The following TOMM20L variants were observed in gnomAD, a reference collection of about 807,000 sequenced individuals.
TOMM20L encodes the protein translocase of outer mitochondrial membrane 20 like, also known as TOMM20-like protein 1.
TOMM20L carries 19 observed loss-of-function variants against 20.4 expected under a neutral mutation model. That is an observed-to-expected ratio of 0.93 (90% CI 0.65 to 1.36). The LOEUF (loss-of-function observed/expected upper bound fraction) is 1.36, where lower values mean the gene tolerates loss of function less well. Ranked by LOEUF, TOMM20L falls within the 40% of genes most tolerant of loss-of-function variation. TOMM20L has a pLI of 0.00. For synonymous variants in TOMM20L, 75 were observed against 79.6 expected (o/e 0.94, Z 0.30); for missense variants, 218 against 203.7 (o/e 1.07, Z -0.43).
At chr14:58,414,455 A>G in the TOMM20L span, among the ~76,000 whole-genome samples, 1 of 152,042 alleles carries the variant, frequency 6.6e-6, no homozygotes, top group East Asian at 1.9e-4. Flanking sequence ...CACAATAACT[A>G]GGCTGGGCAC....
intron 2 of TOMM20L, chr14:58,398,844 A>C (rs1349461548): frequency 1.3e-5 from 2 of 152,128 alleles, no homozygotes; most frequent in African/African-American, 4.8e-5. Flanking sequence ...CAGCACAAGC[A>C]GGATTTTCAA....
intron 2 of TOMM20L, among the ~76,000 whole-genome samples, chr14:58,399,168 G>A (rs1181588830): frequency 6.6e-6 from 1 of 152,212 alleles, no homozygotes; most frequent in Non-Finnish European, 1.5e-5. Context: ...TTACACGAGG[G>A]AGCCACTGTG....
chr14:58,407,433 G>C lies in TOMM20L; in HGVS notation c.370G>C (p.Glu124Gln). The part of the protein sequence containing the change: ...FKHTLPPKVF[E>Q]MLLHKIPLIC... ...ACACACTCTCCCTCCCAAGGTATTT[G>C]AGATGCTGTTGCACAAAATTCCCCT... Residue 124 changes from glutamate to glutamine, a missense_variant, in exon 4 of 5, where the codon GAG (glutamate) becomes CAG (glutamine). Transcript: ENST00000360945. The C allele has an allele frequency of 2.5e-6, 4 of 1,613,222 alleles. No individual in the cohort carries two copies. The highest frequency in any genetic ancestry group is 3.4e-6 in the Non-Finnish European group (4 of 1,179,806).
downstream of TOMM20L, among the ~76,000 whole-genome samples, chr14:58,409,844 C>T (rs1443701401): frequency 2.0e-5 from 3 of 152,116 alleles, no homozygotes; most frequent in Non-Finnish European, 4.4e-5. Flanking sequence ...TCCCAATGTG[C>T]TGAAGTTCCA....
Position 58,408,649 on chromosome 14 carries a change from C to T in TOMM20L, c.*67C>T, listed in dbSNP as rs1329127860. The T allele has an allele frequency of 2.1e-6, 3 of 1,429,390 alleles. No individual in the cohort carries two copies. In the East Asian group the frequency reaches 7.1e-5, roughly 34 times the overall value. The allele number at this position is 1,429,390 out of a possible 1,614,324, so 88.5% of individuals were successfully genotyped here. A position where few individuals can be genotyped will look rare whatever the true frequency, so the allele number is the denominator to read the frequency against. ...GTACCATACAGTATAAACAACTGCT[C>T]AGTGATATTTCCATTTATTTTACTT... On this transcript the variant is annotated 3_prime_UTR_variant, in exon 5 of 5. Transcript: ENST00000360945.
chr14:58,408,474 GA>G, intron 4 of TOMM20L, 54 bp from the exon 5 acceptor site: 1 of 1,522,434 alleles, frequency 6.6e-7, no homozygotes, highest in African/African-American at 1.4e-5. Flanking sequence ...AGGGAGGCAA[GA>G]AAAGGATCAT....
At chr14:58,416,088 C>T in the TOMM20L span, among the ~76,000 whole-genome samples, 5 of 151,434 alleles carry the variant, frequency 3.3e-5, no homozygotes, top group East Asian at 1.9e-4. Context: ...AGCAGCTGGC[C>T]GTGGTGGCAC....
Position 58,407,319 on chromosome 14 carries a change from G to C in TOMM20L, c.263-7G>C. 1 of 1,592,094 alleles carries C rather than the reference G, an allele frequency of 6.3e-7. No individual in the cohort carries two copies. Among genetic ancestry groups the C allele is most frequent in the South Asian group, 1.1e-5 (1 of 87,108 alleles). On this transcript the variant is annotated splice_region_variant and splice_polypyrimidine_tract_variant and intron_variant, in intron 3 of 4. Transcript: ENST00000360945. The stretch of plus-strand genomic sequence containing the variant: ...AATTTTGCTCAAAACTTGTCATTCT[G>C]TTTCAGGAGAGCACAGAATGGGGAT...
rs1470382627 is a variant in TOMM20L at position 58,404,090 on chromosome 14, C to CATATATGTGTGTGTGTATATAT, written c.262+1335_262+1336insGTGTGTGTGTATATATATATAT. Among the ~76,000 whole-genome samples the CATATATGTGTGTGTGTATATAT allele has an allele frequency of 5.9e-4, 10 of 16,832 alleles. 1 individual carries two copies. The highest frequency in any genetic ancestry group is 4.9e-3 in the South Asian group (2 of 410). The allele number at this position is 16,832 out of a possible 152,430, so 11.0% of individuals were successfully genotyped here. The stretch of plus-strand genomic sequence containing the variant: ...CACCCATCAGTACAATGTATATATA[C>CATATATGTGTGTGTGTATATAT]ATATATATGTATATATATATATATA... On this transcript the variant is annotated intron_variant, in intron 3 of 4. Transcript: ENST00000360945.
chr14:58,414,035 AAG>A, the TOMM20L span, among the ~76,000 whole-genome samples: 1 of 149,952 alleles, frequency 6.7e-6, no homozygotes, highest in African/African-American at 2.4e-5. Context: ...AAAAAAAAAA[AAG>A]GTTTGTATAA....
At chr14:58,409,668 T>C (rs1401702932), downstream of TOMM20L, among the ~76,000 whole-genome samples, 1 of 152,142 alleles carries the variant, frequency 6.6e-6, no homozygotes, top group African/African-American at 2.4e-5. Flanking sequence ...AAGCTCCGCC[T>C]CCTGAGTTCA....
downstream of TOMM20L, among the ~76,000 whole-genome samples, chr14:58,412,696 T>C (rs1423555050): frequency 6.6e-6 from 1 of 151,858 alleles, no homozygotes; most frequent in African/African-American, 2.4e-5. Flanking sequence ...AGGTCAGGAG[T>C]TCAAAACCAG....
chr14:58,411,040 A>C, downstream of TOMM20L: 1 of 759,684 alleles, frequency 1.3e-6, no homozygotes, highest in South Asian at 1.7e-5. Flanking sequence ...ATATACTATA[A>C]CACTTGAAAT....
intron 3 of TOMM20L, among the ~76,000 whole-genome samples, chr14:58,404,090 C>CATATATGTGTGTGTGTAT: frequency 5.9e-5 from 1 of 16,834 alleles, no homozygotes. Flanking sequence ...TGTATATATA[C>CATATATGTGTGTGTGTAT]ATATATATGT....
At chr14:58,406,800 A>G (rs1261767217) in intron 3 of TOMM20L, among the ~76,000 whole-genome samples, 2 of 152,190 alleles carry the variant, frequency 1.3e-5, no homozygotes, top group East Asian at 3.8e-4. Flanking sequence ...CTCACTTTAA[A>G]ACTGTGCTTA....
chr14:58,409,024 C>T, downstream of TOMM20L: 4 of 1,606,130 alleles, frequency 2.5e-6, no homozygotes, highest in Non-Finnish European at 3.4e-6. Flanking sequence ...GTTCATCCAT[C>T]AGGACTTCTC....
At chr14:58,408,750 G>A, downstream of TOMM20L, 1 of 732,158 alleles carries the variant, frequency 1.4e-6, no homozygotes. Context: ...CACAATTGAA[G>A]AAACAATGGT....
intron 2 of TOMM20L, among the ~76,000 whole-genome samples, chr14:58,398,206 T>C (rs930881176): frequency 6.6e-6 from 1 of 152,214 alleles, no homozygotes; most frequent in African/African-American, 2.4e-5. Flanking sequence ...ATTTGTGTAA[T>C]TATTTGATTA....
At position 58,396,085 on chromosome 14, in the gene TOMM20L, T is replaced by A; in HGVS notation, c.128T>A (p.Leu43Gln). 4 of 1,387,078 alleles carry A rather than the reference T, an allele frequency of 2.9e-6. No individual in the cohort carries two copies. In the East Asian group the frequency reaches 8.6e-5, roughly 30 times the overall value. 85.9% of individuals were successfully genotyped at this position (1,387,078 alleles called of 1,614,324 possible). A position where few individuals can be genotyped will look rare whatever the true frequency, so the allele number is the denominator to read the frequency against. The change falls in exon 1 of 5, where the codon CTG (leucine) becomes CAG (glutamine). Residue 43 changes from leucine to glutamine, a missense_variant. By Grantham distance (113) the Leu-to-Gln change is moderately radical (BLOSUM62 -2). Transcript: ENST00000360945. ...GGGGACCCCGCGTTCAAGCGCCGCC[T>A]GCGGGACAGTGAGTGGGACCGAGGC... ...RRGDPAFKRRLRDKRRAEPQK... is the reference protein window; with the variant it reads ...RRGDPAFKRRQRDKRRAEPQK...
Sources: gnomAD v4.1 joint callset for allele counts (sites outside exome capture counted in the v4.1 genomes callset) on GRCh38, gnomAD v4.1.1 for gene constraint, MANE v1.5 for transcripts, NCBI Gene and HGNC (gene_info 2026-07-23, HGNC 2026-07-21) for gene names.